Variants in CHLSN observed in about 807,000 individuals in gnomAD.
CHLSN encodes the protein protein cholesin.
chr7:1,108,884 T>G, the CHLSN span, among the ~76,000 whole-genome samples: 3 of 150,814 alleles, frequency 2.0e-5, no homozygotes, highest in Admixed American at 1.3e-4. Context: ...GCTGTGATAT[T>G]TCTCCCAGGC....
chr7:1,085,552 G>A, the CHLSN span, among the ~76,000 whole-genome samples: 3 of 152,096 alleles, frequency 2.0e-5, no homozygotes, highest in Non-Finnish European at 2.9e-5. Flanking sequence ...ACCGCACAGC[G>A]CCCAGCATGC....
chr7:999,429 A>ACAATCGGCTTGCAATAGGGCTTG, the CHLSN span, among the ~76,000 whole-genome samples: 1,752 of 151,662 alleles, frequency 0.012, 29 homozygotes, highest in African/African-American at 0.039. Context: ...AATAGGGCTT[A>ACAATCGGCTTGCAATAGGGCTTG]CAATCGGCTT....
At chr7:1,100,812 C>A in the CHLSN span, among the ~76,000 whole-genome samples, 1 of 152,326 alleles carries the variant, frequency 6.6e-6, no homozygotes, top group East Asian at 1.9e-4. Flanking sequence ...GCACTTTACC[C>A]ATCTCGCCCA....
chr7:1,022,842 C>T, the CHLSN span: 1 of 337,734 alleles, frequency 3.0e-6, no homozygotes, highest in East Asian at 8.8e-5. Context: ...GAATAAAACA[C>T]ACTGCATCAG....
the CHLSN span, among the ~76,000 whole-genome samples, chr7:1,102,644 C>T: frequency 6.6e-6 from 1 of 152,000 alleles, no homozygotes; most frequent in African/African-American, 2.4e-5. Flanking sequence ...GGAAGGTGCA[C>T]TCGGAAGAGA....
chr7:1,059,869 AGTGG>A, the CHLSN span, among the ~76,000 whole-genome samples: 31 of 24,214 alleles, frequency 1.3e-3, no homozygotes, highest in East Asian at 0.013. Flanking sequence ...GCGGGTCTGT[AGTGG>A]GGCGGGTCCG....
At chr7:1,018,864 G>A in the CHLSN span, among the ~76,000 whole-genome samples, 1 of 152,118 alleles carries the variant, frequency 6.6e-6, no homozygotes, top group African/African-American at 2.4e-5. Context: ...GGTGGTCCCA[G>A]GACAAGCTCT....
chr7:1,115,176 A>C, the CHLSN span, among the ~76,000 whole-genome samples: 1 of 152,222 alleles, frequency 6.6e-6, no homozygotes, highest in Non-Finnish European at 1.5e-5. Flanking sequence ...TTTTATAATA[A>C]ATCTTTGCTG....
chr7:1,032,680 C>T, the CHLSN span, among the ~76,000 whole-genome samples: 4 of 152,212 alleles, frequency 2.6e-5, no homozygotes, highest in African/African-American at 9.6e-5. Flanking sequence ...AGCCACCCGC[C>T]CACACCGCCA....
the CHLSN span, among the ~76,000 whole-genome samples, chr7:987,758 G>GT: frequency 6.6e-6 from 1 of 151,954 alleles, no homozygotes; most frequent in Non-Finnish European, 1.5e-5. Context: ...TGCATGTCCT[G>GT]GGGTCCCCTC....
chr7:991,286 G>A, the CHLSN span, among the ~76,000 whole-genome samples: 7 of 152,062 alleles, frequency 4.6e-5, no homozygotes, highest in East Asian at 1.9e-4. Context: ...CCCGACTCAC[G>A]CGACCTCTCA....
the CHLSN span, among the ~76,000 whole-genome samples, chr7:1,013,259 A>G: frequency 1.1e-4 from 16 of 152,374 alleles, no homozygotes; most frequent in Admixed American, 4.6e-4. Context: ...TCACTAGCAA[A>G]TAAGAACGTG....
chr7:1,021,629 GT>G, the CHLSN span: 1 of 962,934 alleles, frequency 1.0e-6, no homozygotes, highest in East Asian at 1.2e-4. Context: ...CAGCCCCAGT[GT>G]GACTGGCTTT....
At chr7:1,074,270 C>T in the CHLSN span, among the ~76,000 whole-genome samples, 6,705 of 109,200 alleles carry the variant, frequency 0.061, 413 homozygotes, top group South Asian at 0.091. Flanking sequence ...CCGTGACACC[C>T]CCCGGCCCCC....
At chr7:1,126,342 AGAGC>A in the CHLSN span, among the ~76,000 whole-genome samples, 15 of 128,998 alleles carry the variant, frequency 1.2e-4, no homozygotes, top group South Asian at 2.7e-4. Context: ...CCTGGGTGAC[AGAGC>A]GAGACTCTGT....
the CHLSN span, among the ~76,000 whole-genome samples, chr7:1,072,306 C>T: frequency 6.6e-6 from 1 of 152,190 alleles, no homozygotes; most frequent in Non-Finnish European, 1.5e-5. Flanking sequence ...GCACGGAAAA[C>T]GTCCAAAGCA....
chr7:987,613 C>T, the CHLSN span: 43 of 1,324,584 alleles, frequency 3.2e-5, 1 homozygote, highest in South Asian at 5.0e-4. Flanking sequence ...GACGGCTGAG[C>T]GTCTGGTGGG....
the CHLSN span, chr7:1,091,748 C>G: frequency 6.5e-7 from 1 of 1,534,712 alleles, no homozygotes. Context: ...ACTTCCCAAG[C>G]CCGGGGCGTG....
the CHLSN span, among the ~76,000 whole-genome samples, chr7:1,100,475 C>T: frequency 0.034 from 5,164 of 152,336 alleles, 287 homozygotes; most frequent in African/African-American, 0.12. Flanking sequence ...CCCATCTCCG[C>T]GGCAGGAGCT....
Sources: gnomAD v4.1 joint callset for allele counts (sites outside exome capture counted in the v4.1 genomes callset) on GRCh38, gnomAD v4.1.1 for gene constraint, MANE v1.5 for transcripts, NCBI Gene and HGNC (gene_info 2026-07-23, HGNC 2026-07-21) for gene names.